The following ACE variants were observed in gnomAD, a reference collection of about 807,000 sequenced individuals.
ACE encodes the protein angiotensin I converting enzyme.
ACE carries 122 observed loss-of-function variants against 162.3 expected under a neutral mutation model. The ratio of observed to expected loss-of-function variants is 0.75; its 90% CI spans 0.65 to 0.87. The LOEUF is 0.87. Ranked by LOEUF, ACE falls within the 40% of genes least tolerant of loss-of-function variation. The probability of loss-of-function intolerance (pLI) is 0.00; values close to 1 mark genes in which losing one functional copy is unlikely to be tolerated. For synonymous variants in ACE, 796 were observed against 720.6 expected (o/e 1.10, Z -1.68); for missense variants, 1,799 against 1,735.1 (o/e 1.04, Z -0.65).
Position 63,491,443 on chromosome 17 carries a change from G to A in ACE, c.2912+62G>A, listed in dbSNP as rs1428978609. Reference sequence around the variant, plus strand: ...CCCACGGGCAAGGGAAATGAACCAAGCAAAGGGTCCACTACTGTCCCCCAG... The same window carrying A: ...CCCACGGGCAAGGGAAATGAACCAAACAAAGGGTCCACTACTGTCCCCCAG... On this transcript the variant is annotated intron_variant, in intron 19 of 24. Transcript: ENST00000290866. This position sits in a 1 kb window ranked among gnomAD's most constrained non-coding sequence, Gnocchi z 4.4. 1.9e-6 allele frequency: 3 copies of A among 1,605,146 alleles called. No homozygotes were observed. In the East Asian group the frequency reaches 6.7e-5, roughly 36 times the overall value.
intron 23 of ACE, 94 bp downstream of exon 23, chr17:63,496,610 T>C: frequency 6.2e-7 from 1 of 1,607,996 alleles, no homozygotes; most frequent in South Asian, 1.1e-5. Context: ...TGGGAACACT[T>C]GCCATTTTGA....
At chr17:63,478,330 C>A (rs145576748) in intron 2 of ACE, 26 of 589,396 alleles carry the variant, frequency 4.4e-5, no homozygotes, top group Non-Finnish European at 7.2e-5. Flanking sequence ...AAGCCAAATT[C>A]AAATACACTT....
At position 63,483,981 on chromosome 17, in the gene ACE, G is replaced by A; in HGVS notation, c.1709+10G>A. ...CAGGGGCCAAGCTCCGGTGTGTGGT[G>A]GGAAGCCGGGGGAAGTGGGAGGCAG... On this transcript the variant is annotated intron_variant, in intron 11 of 24. Coordinates refer to ENST00000290866, the MANE Select transcript of ACE (RefSeq NM_000789.4). 6.2e-7 allele frequency: 1 copy of A among 1,609,118 alleles called. No individual in the cohort carries two copies. Among genetic ancestry groups the A allele is most frequent in the Non-Finnish European group, 8.5e-7 (1 of 1,177,986 alleles).
intron 22 of ACE, 66 bp downstream of exon 22, chr17:63,494,536 GC>G: frequency 7.1e-7 from 1 of 1,410,792 alleles, no homozygotes; most frequent in Non-Finnish European, 9.9e-7. Context: ...TTCAACTGCG[GC>G]CACTGCCCGG....
chr17:63,481,130 T>G lies in ACE; in HGVS notation c.887T>G (p.Met296Arg). 2 of 1,598,300 alleles carry G rather than the reference T, an allele frequency of 1.3e-6. No homozygotes were observed. Among genetic ancestry groups the G allele is most frequent in the South Asian group, 2.2e-5 (2 of 90,784 alleles). The stretch of plus-strand genomic sequence containing the variant: ...CAGAGCTGGGAAAACATCTACGACA[T>G]GGTGGTGCCTTTCCCAGACAAGCCC... ...WAQSWENIYDMVVPFPDKPNL... is the reference protein window; with the variant it reads ...WAQSWENIYDRVVPFPDKPNL... Residue 296 changes from methionine (M) to arginine (R), a missense_variant, in exon 6 of 25, where the codon ATG (methionine) becomes AGG (arginine). By Grantham distance (91) the Met-to-Arg change is moderately conservative. Transcript: ENST00000290866.
intron 19 of ACE, 33 bp from the exon 20 acceptor site, chr17:63,493,403 C>T: frequency 5.0e-6 from 8 of 1,607,220 alleles, no homozygotes; most frequent in Non-Finnish European, 6.8e-6. Context: ...CTGTCCTCTC[C>T]CAACACCCTC....
intron 8 of ACE, 108 bp from the exon 9 acceptor site, chr17:63,482,921 T>C: frequency 7.8e-7 from 1 of 1,275,790 alleles, no homozygotes; most frequent in Non-Finnish European, 1.1e-6. Flanking sequence ...CCATACCTTC[T>C]CTGCATCTCC....
At chr17:63,495,625 G>A (rs927102065) in intron 22 of ACE, among the ~76,000 whole-genome samples, 5 of 152,264 alleles carry the variant, frequency 3.3e-5, no homozygotes, top group African/African-American at 1.2e-4. Flanking sequence ...CCGCCTGCCT[G>A]CTGGAGTGGT....
intron 15 of ACE, among the ~76,000 whole-genome samples, chr17:63,488,381 A>AAG (rs1568042673): frequency 7.5e-6 from 1 of 132,884 alleles, no homozygotes; most frequent in African/African-American, 2.8e-5. Context: ...AAAAAAAAAA[A>AAG]GGAGAGGAGA....
At position 63,483,568 on chromosome 17, in the gene ACE, C is replaced by CGGGGGGGGCG; in HGVS notation, c.1586+10_1586+11insGGGGGGGGCG. ...TGACACCATACATCAGGTATTAGCG[C>CGGGGGGGGCG]CCCCACCCCACCCACCCCCAGTACT... On this transcript the variant is annotated intron_variant, in intron 10 of 24. Transcript: ENST00000290866. 8 of 1,585,782 alleles carry CGGGGGGGGCG rather than the reference C, an allele frequency of 5.0e-6. No individual in the cohort carries two copies. The highest frequency in any genetic ancestry group is 6.0e-6 in the Non-Finnish European group (7 of 1,159,890).
intron 15 of ACE, among the ~76,000 whole-genome samples, chr17:63,487,943 A>C (rs537482549): frequency 6.6e-6 from 1 of 152,320 alleles, no homozygotes; most frequent in Non-Finnish European, 1.5e-5. Flanking sequence ...GCCAAGTGTG[A>C]GGGGAGGCTG....
chr17:63,498,139 A>G lies in ACE; in HGVS notation c.*773A>G, dbSNP rs1236470822. ...TTGGCTCTCAGACAGCCATTCTAAC[A>G]CTGCCAGTGCAGAGGGGCCTCAGAC... On this transcript the variant is annotated 3_prime_UTR_variant, in exon 25 of 25. Coordinates refer to ENST00000290866, the MANE Select transcript of ACE (RefSeq NM_000789.4). 6.5e-6 allele frequency: 1 copy of G among 153,208 alleles called. No homozygotes were observed. The highest frequency in any genetic ancestry group is 1.9e-4 in the East Asian group (1 of 5,176). The allele number at this position is 153,208 out of a possible 1,614,324, so 9.5% of individuals were successfully genotyped here.
intron 6 of ACE, 38 bp from the exon 7 acceptor site, chr17:63,481,528 T>C: frequency 1.2e-6 from 2 of 1,610,618 alleles, no homozygotes; most frequent in Non-Finnish European, 8.5e-7. Flanking sequence ...CCAGCCAGAG[T>C]GGGCTCCCCC....
In ACE at chr17:63,491,292, G is replaced by T. The variant is rs1202055050; in HGVS notation, c.2823G>T (p.Trp941Cys). 2 of 1,614,070 alleles carry T rather than the reference G, an allele frequency of 1.2e-6. No individual in the cohort carries two copies. The highest frequency in any genetic ancestry group is 1.7e-6 in the Non-Finnish European group (2 of 1,180,042). The change falls in exon 19 of 25, where the codon TGG becomes TGT. Residue 941 changes from tryptophan to cysteine, a missense_variant. Trp to Cys is a radical substitution (Grantham distance 215). Coordinates refer to ENST00000290866, the MANE Select transcript of ACE (RefSeq NM_000789.4). This position sits in a 1 kb window ranked among gnomAD's most constrained non-coding sequence, Gnocchi z 4.4. Reference sequence around the variant, plus strand: ...TGCTGCCCGTGCCTCCTGAGTTCTGGAACAAGTCGATGCTGGAGAAGCCAA... The same window carrying T: ...TGCTGCCCGTGCCTCCTGAGTTCTGTAACAAGTCGATGCTGGAGAAGCCAA... Reference protein sequence around the residue: ...LGLLPVPPEFWNKSMLEKPTD... With the variant: ...LGLLPVPPEFCNKSMLEKPTD...
At position 63,494,019 on chromosome 17, in the gene ACE, T is replaced by TG. The variant is rs2030567405; in HGVS notation, c.3236dup (p.Ser1080LysfsTer8). The TG allele has an allele frequency of 6.2e-7, 1 of 1,613,948 alleles. No individual in the cohort carries two copies. Among genetic ancestry groups the TG allele is most frequent in the African/African-American group, 1.3e-5 (1 of 74,872 alleles). The stretch of plus-strand genomic sequence containing the variant: ...ATCAGTGGCGCTGGAGGGTATTTGA[T>TG]GGAAGCATCACCAAGGAGAACTATA... On this transcript the variant is annotated frameshift_variant, in exon 21 of 25. Coordinates refer to ENST00000290866, the MANE Select transcript of ACE (RefSeq NM_000789.4). LOFTEE classifies it high-confidence loss of function.
chr17:63,485,497 C>A (rs1216457399), intron 13 of ACE, 125 bp downstream of exon 13: 1 of 1,408,452 alleles, frequency 7.1e-7, no homozygotes, highest in South Asian at 1.2e-5. Flanking sequence ...TACTCAATTT[C>A]GGGCCGGGCG....
intron 19 of ACE, among the ~76,000 whole-genome samples, chr17:63,492,545 C>T (rs912446043): frequency 6.6e-6 from 1 of 152,206 alleles, no homozygotes; most frequent in African/African-American, 2.4e-5. Flanking sequence ...CTTGTGGGGT[C>T]TTCCCTTTTA....
At chr17:63,490,488 G>A (rs980977418) in intron 17 of ACE, 51 of 208,438 alleles carry the variant, frequency 2.4e-4, no homozygotes, top group South Asian at 8.3e-5. Flanking sequence ...GGCCCCCGGC[G>A]AGGGGGGCGG....
chr17:63,490,483 C>T (rs751361939), intron 17 of ACE: 46 of 212,412 alleles, frequency 2.2e-4, no homozygotes, highest in Non-Finnish European at 4.0e-4. Flanking sequence ...CCGTGGGCCC[C>T]CGGCGAGGGG....
Sources: gnomAD v4.1 joint callset for allele counts (sites outside exome capture counted in the v4.1 genomes callset) on GRCh38, gnomAD v4.1.1 for gene constraint, Gnocchi (gnomAD v3.1) non-coding constraint, MANE v1.5 for transcripts, NCBI Gene and HGNC (gene_info 2026-07-23, HGNC 2026-07-21) for gene names.